Variants in MDFIC observed in about 807,000 individuals in gnomAD.
MDFIC encodes MyoD family inhibitor domain containing.
Under a neutral mutation model 23.2 loss-of-function variants are expected in MDFIC, and 17 were observed. The observed-to-expected ratio is 0.73, with a 90% CI of 0.50 to 1.10. The LOEUF is 1.10. Among genes scored for constraint, MDFIC ranks in the 50% least tolerant of loss-of-function variants. The probability of loss-of-function intolerance (pLI) is 0.00; values close to 1 mark genes in which losing one functional copy is unlikely to be tolerated. For missense variants in MDFIC, 356 were observed against 316.6 expected (o/e 1.12, Z -0.95); for synonymous variants, 120 against 115.2 (o/e 1.04, Z -0.27).
intron 4 of MDFIC, among the ~76,000 whole-genome samples, chr7:114,990,901 C>A (rs2116022361): frequency 6.6e-6 from 1 of 152,178 alleles, no homozygotes; most frequent in East Asian, 1.9e-4. Flanking sequence ...ATTTCTAGTA[C>A]TAGATCCTTG....
At chr7:114,923,462 T>C in intron 2 of MDFIC, 1 of 1,537,892 alleles carries the variant, frequency 6.5e-7, no homozygotes, top group Non-Finnish European at 8.7e-7. Flanking sequence ...CCTCTAGGTC[T>C]CTTCAGCAGA....
chr7:114,983,593 T>C (rs1052280396), intron 4 of MDFIC, among the ~76,000 whole-genome samples: 4 of 129,636 alleles, frequency 3.1e-5, no homozygotes, highest in African/African-American at 1.2e-4. Flanking sequence ...TTTGAGGTCG[T>C]GTCTCACTCT....
chr7:115,006,847 T>C (rs904241757), intron 4 of MDFIC, among the ~76,000 whole-genome samples: 2 of 152,204 alleles, frequency 1.3e-5, no homozygotes, highest in Non-Finnish European at 2.9e-5. Flanking sequence ...TATATTCACC[T>C]TTGTTATTAT....
chr7:114,979,749 T>A lies in MDFIC; in HGVS notation c.461T>A (p.Val154Asp). 2 of 1,614,002 alleles carry A rather than the reference T, an allele frequency of 1.2e-6. No homozygotes were observed. Among genetic ancestry groups the A allele is most frequent in the South Asian group, 2.2e-5 (2 of 91,086 alleles). ...AGTAAGAAGAGCAAAGTAAATGCTG[T>A]CTTTTCCCAAAAGACAGGCTCTTCA... ...DISKKSKVNAVFSQKTGSSPE... is the reference protein window; with the variant it reads ...DISKKSKVNADFSQKTGSSPE... Residue 154 changes from valine to aspartate, a missense_variant, in exon 4 of 5, where the codon GTC becomes GAC. By Grantham distance (152) the Val-to-Asp change is radical (BLOSUM62 -3). Coordinates refer to ENST00000393486, the MANE Select transcript of MDFIC (RefSeq NM_001166345.3).
chr7:114,941,749 C>T (rs1242985401), intron 2 of MDFIC, among the ~76,000 whole-genome samples: 1 of 152,126 alleles, frequency 6.6e-6, no homozygotes, highest in Non-Finnish European at 1.5e-5. Flanking sequence ...GTCCTAAATA[C>T]CCCCTTCTCA....
At chr7:114,991,121 G>A (rs920213224) in intron 4 of MDFIC, among the ~76,000 whole-genome samples, 9 of 152,096 alleles carry the variant, frequency 5.9e-5, no homozygotes, top group Non-Finnish European at 1.3e-4. Flanking sequence ...ATTTTTTCAT[G>A]TGTCTGTTGG....
chr7:115,012,166 G>A (rs1204779212), intron 4 of MDFIC, among the ~76,000 whole-genome samples: 1 of 152,064 alleles, frequency 6.6e-6, no homozygotes, highest in Non-Finnish European at 1.5e-5. Context: ...TCTGAGAGAA[G>A]ACAATCATTT....
At chr7:114,927,943 T>C (rs185271553) in intron 2 of MDFIC, among the ~76,000 whole-genome samples, 1 of 150,928 alleles carries the variant, frequency 6.6e-6, no homozygotes, top group African/African-American at 2.4e-5. Context: ...TAGAAATTGG[T>C]TTAAAACACT....
At chr7:114,935,107 T>C (rs1455753779) in intron 2 of MDFIC, among the ~76,000 whole-genome samples, 1 of 152,158 alleles carries the variant, frequency 6.6e-6, no homozygotes, top group Non-Finnish European at 1.5e-5. Flanking sequence ...TCCCAGAGAT[T>C]TTAGTCTCAG....
chr7:114,993,000 A>T (rs1015663529), intron 4 of MDFIC, among the ~76,000 whole-genome samples: 1 of 152,166 alleles, frequency 6.6e-6, no homozygotes, highest in African/African-American at 2.4e-5. Flanking sequence ...TTTGGCTGGT[A>T]GGCTATTAAT....
chr7:114,946,294 T>A (rs1792644087), intron 3 of MDFIC, among the ~76,000 whole-genome samples: 3 of 152,122 alleles, frequency 2.0e-5, no homozygotes, highest in Admixed American at 1.3e-4. Context: ...AATATTTTCC[T>A]TTAATTTAGG....
chr7:114,922,754 AC>A, intron 1 of MDFIC, 118 bp downstream of exon 1: 1 of 1,297,664 alleles, frequency 7.7e-7, no homozygotes, highest in South Asian at 1.7e-5. Context: ...GACCCCTGGG[AC>A]CCCGCCGCTG....
At position 115,016,677 on chromosome 7, in the gene MDFIC, T is replaced by C. The variant is rs9769337; in HGVS notation, c.*742T>C. The C allele has an allele frequency of 2.1e-4, 33 of 155,338 alleles. 1 individual carries two copies. The highest frequency in any genetic ancestry group is 7.8e-4 in the African/African-American group (31 of 39,874). 9.6% of individuals were successfully genotyped at this position (155,338 alleles called of 1,614,324 possible). Reference sequence around the variant, plus strand: ...ATAAATAAATAAATAAATAAATAAATAAATAAATAAACAAACCAGTCTTTA... The same window carrying C: ...ATAAATAAATAAATAAATAAATAAACAAATAAATAAACAAACCAGTCTTTA... On this transcript the variant is annotated 3_prime_UTR_variant, in exon 5 of 5. Coordinates refer to ENST00000393486, the MANE Select transcript of MDFIC (RefSeq NM_001166345.3).
intron 3 of MDFIC, among the ~76,000 whole-genome samples, chr7:114,958,608 G>A (rs1413154508): frequency 3.3e-5 from 5 of 152,000 alleles, no homozygotes; most frequent in East Asian, 3.9e-4. Context: ...AAAATTAGCC[G>A]GGCGTGGTGG....
chr7:114,936,191 A>G (rs1016811069), intron 2 of MDFIC, among the ~76,000 whole-genome samples: 1 of 152,158 alleles, frequency 6.6e-6, no homozygotes, highest in Non-Finnish European at 1.5e-5. Flanking sequence ...ACACTTCTCT[A>G]GTGCAGAGTA....
intron 3 of MDFIC, among the ~76,000 whole-genome samples, chr7:114,974,015 G>T (rs1348553990): frequency 2.0e-5 from 3 of 152,006 alleles, no homozygotes; most frequent in Non-Finnish European, 2.9e-5. Context: ...CCTTGCCAGG[G>T]AACTAAAGAA....
At chr7:114,936,878 CATTG>C (rs138648339) in intron 2 of MDFIC, among the ~76,000 whole-genome samples, 3,125 of 151,982 alleles carry the variant, frequency 0.021, 75 homozygotes, top group African/African-American at 0.062. Flanking sequence ...TAATTGTGAA[CATTG>C]ATTAATTTAT....
intron 3 of MDFIC, among the ~76,000 whole-genome samples, chr7:114,958,027 C>A (rs542903983): frequency 6.6e-6 from 1 of 152,288 alleles, no homozygotes; most frequent in East Asian, 1.9e-4. Flanking sequence ...TCCAGAAAAA[C>A]TAGCACTCAC....
chr7:115,004,681 G>A (rs1791532845), intron 4 of MDFIC, among the ~76,000 whole-genome samples: 1 of 152,196 alleles, frequency 6.6e-6, no homozygotes, highest in African/African-American at 2.4e-5. Flanking sequence ...TGAAGGCATT[G>A]TCTCCAGGCT....
Sources: allele counts gnomAD v4.1 joint callset (sites outside exome capture counted in the v4.1 genomes callset), GRCh38; gene constraint gnomAD v4.1.1; transcripts MANE v1.5; gene names NCBI Gene and HGNC (gene_info 2026-07-23, HGNC 2026-07-21).